Variants in EXT1 observed in about 807,000 individuals in gnomAD.
EXT1 encodes the protein exostosin glycosyltransferase 1, also known as exostosin-1.
EXT1 carries 20 observed loss-of-function variants against 82.5 expected under a neutral mutation model. The observed-to-expected ratio is 0.24, with a 90% confidence interval of 0.17 to 0.35. The LOEUF is 0.35. Among genes scored for constraint, EXT1 ranks in the 10% least tolerant of loss-of-function variants. The pLI is 1.00. For synonymous variants in EXT1, 348 were observed against 350.8 expected (o/e 0.99, Z 0.09); for missense variants, 757 against 936.5 (o/e 0.81, Z 2.50).
intron 1 of EXT1, among the ~76,000 whole-genome samples, chr8:118,056,677 G>C (rs17431672): frequency 0.021 from 3,126 of 152,226 alleles, 32 homozygotes; most frequent in Non-Finnish European, 0.027. Context: ...CCTAGTGCTG[G>C]GGGGTCCTCT....
At chr8:117,910,202 G>A (rs1813619342) in intron 1 of EXT1, among the ~76,000 whole-genome samples, 1 of 152,140 alleles carries the variant, frequency 6.6e-6, no homozygotes, top group Non-Finnish European at 1.5e-5. Flanking sequence ...CAATAGACTA[G>A]TCATCATTTT....
intron 1 of EXT1, among the ~76,000 whole-genome samples, chr8:118,010,433 C>G (rs918992431): frequency 6.6e-6 from 1 of 151,582 alleles, no homozygotes; most frequent in Non-Finnish European, 1.5e-5. Context: ...CCCCCCACCT[C>G]TATTTCACCT....
chr8:117,920,953 G>A (rs1265468767), intron 1 of EXT1, among the ~76,000 whole-genome samples: 7 of 152,052 alleles, frequency 4.6e-5, no homozygotes, highest in African/African-American at 7.2e-5. Context: ...GACTCCCCTC[G>A]TCCCTCCCTA....
At chr8:117,961,186 T>A (rs1349904189) in intron 1 of EXT1, among the ~76,000 whole-genome samples, 1 of 152,126 alleles carries the variant, frequency 6.6e-6, no homozygotes, top group African/African-American at 2.4e-5. Flanking sequence ...TTTCTTTTTT[T>A]TTAACAGGCA....
intron 1 of EXT1, among the ~76,000 whole-genome samples, chr8:117,992,788 G>A (rs1370972390): frequency 2.6e-5 from 4 of 152,198 alleles, no homozygotes; most frequent in Non-Finnish European, 4.4e-5. Flanking sequence ...AAGGTGGCTG[G>A]AAGAACCTTC....
At chr8:117,843,920 A>G (rs985944935) in intron 1 of EXT1, among the ~76,000 whole-genome samples, 3 of 152,034 alleles carry the variant, frequency 2.0e-5, no homozygotes, top group Non-Finnish European at 2.9e-5. Flanking sequence ...TAAAACTGAC[A>G]TGTCTTATGA....
Position 117,893,577 on chromosome 8 carries a change from G to T in EXT1, c.963-56376C>A, listed in dbSNP as rs1813284658. Reference sequence around the variant, plus strand: ...ATAGGGCACAGTAACATCAATTCAAGATATTTGCACTCAAGCAGGCTGCTA... The same window carrying T: ...ATAGGGCACAGTAACATCAATTCAATATATTTGCACTCAAGCAGGCTGCTA... On this transcript the variant is annotated intron_variant, in intron 1 of 10. Transcript: ENST00000378204. Among the ~76,000 whole-genome samples the T allele has an allele frequency of 2.6e-5, 4 of 152,166 alleles. No homozygotes were observed. The South Asian group carries it at 8.3e-4, about 32-fold the overall frequency.
At chr8:117,935,510 C>T (rs1814142921) in intron 1 of EXT1, among the ~76,000 whole-genome samples, 1 of 151,788 alleles carries the variant, frequency 6.6e-6, no homozygotes, top group Non-Finnish European at 1.5e-5. Context: ...GCCAACAGCA[C>T]CAACAGCTAA....
chr8:118,078,612 T>C (rs1359314909), intron 1 of EXT1, among the ~76,000 whole-genome samples: 1 of 151,794 alleles, frequency 6.6e-6, no homozygotes, highest in African/African-American at 2.4e-5. Flanking sequence ...ATTTACATCA[T>C]AAATACATAC....
chr8:117,969,794 C>T (rs1196664331), intron 1 of EXT1, among the ~76,000 whole-genome samples: 1 of 152,216 alleles, frequency 6.6e-6, no homozygotes, highest in Admixed American at 6.5e-5. Flanking sequence ...TCCTACAGAG[C>T]ACTCTGAAGA....
chr8:118,081,489 A>G (rs1817329364), intron 1 of EXT1, among the ~76,000 whole-genome samples: 1 of 152,212 alleles, frequency 6.6e-6, no homozygotes, highest in Non-Finnish European at 1.5e-5. Context: ...GTACATTTTC[A>G]TCCCCAATGT....
At chr8:117,838,482 G>A (rs1003252446) in intron 1 of EXT1, among the ~76,000 whole-genome samples, 8 of 152,048 alleles carry the variant, frequency 5.3e-5, no homozygotes, top group Non-Finnish European at 1.0e-4. Context: ...TTAAACAAGC[G>A]TGTACAACTA....
At chr8:117,894,206 CT>C (rs1344854922) in intron 1 of EXT1, among the ~76,000 whole-genome samples, 1 of 151,808 alleles carries the variant, frequency 6.6e-6, no homozygotes, top group Non-Finnish European at 1.5e-5. Context: ...TTTTCTTTTA[CT>C]TTTTTTGTTG....
At chr8:117,875,913 C>G (rs558022073) in intron 1 of EXT1, among the ~76,000 whole-genome samples, 3 of 152,224 alleles carry the variant, frequency 2.0e-5, no homozygotes, top group Admixed American at 2.0e-4. Flanking sequence ...ACCCTCCAGG[C>G]AGGGAAGAGG....
intron 1 of EXT1, among the ~76,000 whole-genome samples, chr8:117,923,545 A>G (rs1030554920): frequency 2.3e-4 from 34 of 148,460 alleles, no homozygotes; most frequent in Admixed American, 7.3e-4. Context: ...GTGAAACCCC[A>G]TCTCTACTAA....
intron 3 of EXT1, among the ~76,000 whole-genome samples, chr8:117,835,230 T>A (rs546370572): frequency 6.6e-6 from 1 of 152,336 alleles, no homozygotes; most frequent in South Asian, 2.1e-4. Flanking sequence ...TACCTGCAAC[T>A]TCTTTTCAGA....
chr8:117,828,982 C>A (rs771605552), intron 4 of EXT1, among the ~76,000 whole-genome samples: 2 of 152,086 alleles, frequency 1.3e-5, no homozygotes, highest in African/African-American at 2.4e-5. Flanking sequence ...AGTAGGGTGA[C>A]TTCAGTTTCT....
intron 1 of EXT1, among the ~76,000 whole-genome samples, chr8:118,052,251 G>A (rs1816729558): frequency 6.6e-6 from 1 of 152,196 alleles, no homozygotes; most frequent in Non-Finnish European, 1.5e-5. Context: ...AACTTGAAAT[G>A]TTTAGGAAAG....
At chr8:117,866,751 T>C (rs1189962590) in intron 1 of EXT1, among the ~76,000 whole-genome samples, 1 of 150,276 alleles carries the variant, frequency 6.7e-6, no homozygotes, top group East Asian at 2.0e-4. Context: ...TATTTTCAGG[T>C]TGTATGAATC....
Sources: gnomAD v4.1 joint callset for allele counts (sites outside exome capture counted in the v4.1 genomes callset) on GRCh38, gnomAD v4.1.1 for gene constraint, MANE v1.5 for transcripts, NCBI Gene and HGNC (gene_info 2026-07-23, HGNC 2026-07-21) for gene names.